Variants in RUNX1T1 observed in about 807,000 individuals in gnomAD.
RUNX1T1 encodes the protein protein CBFA2T1.
RUNX1T1 carries 4 observed loss-of-function variants against 62.8 expected under a neutral mutation model. The observed-to-expected ratio is 0.06, with a 90% CI of 0.03 to 0.15. The LOEUF is 0.15. Among genes scored for constraint, RUNX1T1 ranks in the 10% least tolerant of loss-of-function variants. RUNX1T1 has a pLI of 1.00. For missense variants in RUNX1T1, 508 were observed against 754.3 expected (o/e 0.67, Z 3.82); for synonymous variants, 291 against 286.0 (o/e 1.02, Z -0.18).
chr8:92,038,100 T>C (rs1414557967), intron 1 of RUNX1T1, among the ~76,000 whole-genome samples: 11 of 151,724 alleles, frequency 7.3e-5, no homozygotes, highest in African/African-American at 1.9e-4. Context: ...TCTCACTCTG[T>C]TGTACAGGCT....
At chr8:92,101,497 C>T (rs1361225668), upstream of RUNX1T1, among the ~76,000 whole-genome samples, 3 of 152,112 alleles carry the variant, frequency 2.0e-5, no homozygotes, top group Admixed American at 2.0e-4. Flanking sequence ...CAGATTCCCC[C>T]AGGAAGCAGC....
intron 8 of RUNX1T1, among the ~76,000 whole-genome samples, chr8:91,982,057 CA>C: frequency 6.6e-6 from 1 of 151,588 alleles, no homozygotes; most frequent in African/African-American, 2.4e-5. Context: ...CCAGACTGGG[CA>C]ATACGGCAAA....
intron 5 of RUNX1T1, among the ~76,000 whole-genome samples, chr8:91,999,983 C>T (rs1165069484): frequency 2.6e-5 from 4 of 152,040 alleles, no homozygotes; most frequent in African/African-American, 4.8e-5. Flanking sequence ...CAAAATGCCC[C>T]GTACAACTGT....
intron 1 of RUNX1T1, among the ~76,000 whole-genome samples, chr8:92,056,944 C>T (rs1358378665): frequency 6.6e-6 from 1 of 152,148 alleles, no homozygotes; most frequent in African/African-American, 2.4e-5. Context: ...TTTCAGTTAA[C>T]CTGTATAGCT....
chr8:91,988,037 G>A (rs1298740507), intron 6 of RUNX1T1, among the ~76,000 whole-genome samples: 2 of 152,072 alleles, frequency 1.3e-5, no homozygotes, highest in Non-Finnish European at 2.9e-5. Flanking sequence ...CTAGATAACT[G>A]AGCTATCTCT....
chr8:92,023,492 T>G (rs1443490533), intron 1 of RUNX1T1, among the ~76,000 whole-genome samples: 1 of 152,206 alleles, frequency 6.6e-6, no homozygotes, highest in African/African-American at 2.4e-5. Flanking sequence ...CATGTCCATT[T>G]TTCTCCCATA....
upstream of RUNX1T1, among the ~76,000 whole-genome samples, chr8:92,064,009 T>C (rs898529995): frequency 6.6e-6 from 1 of 152,178 alleles, no homozygotes; most frequent in African/African-American, 2.4e-5. Flanking sequence ...ACACTTTCCA[T>C]ATGCTTTTAG....
chr8:92,021,268 T>C (rs1363731091), intron 1 of RUNX1T1, among the ~76,000 whole-genome samples: 1 of 152,220 alleles, frequency 6.6e-6, no homozygotes, highest in Admixed American at 6.5e-5. Flanking sequence ...AAGGTGGGTA[T>C]AGAACTTTAA....
chr8:91,990,648 T>TC, intron 6 of RUNX1T1, among the ~76,000 whole-genome samples: 1 of 151,816 alleles, frequency 6.6e-6, no homozygotes, highest in South Asian at 2.1e-4. Flanking sequence ...TTTACTACTT[T>TC]TTTTTTTTTT....
chr8:92,075,924 G>A (rs1379116781), intron 2 of RUNX1T1, 41 bp downstream of exon 2: 1 of 1,547,118 alleles, frequency 6.5e-7, no homozygotes, highest in Non-Finnish European at 8.7e-7. Context: ...TTTCTGGTAC[G>A]TAAGTAAATT....
At chr8:92,061,749 C>T (rs1373699091) in intron 1 of RUNX1T1, among the ~76,000 whole-genome samples, 3 of 152,130 alleles carry the variant, frequency 2.0e-5, no homozygotes, top group African/African-American at 7.2e-5. Flanking sequence ...ATAAATCGGC[C>T]AGCTGGAGGA....
chr8:91,991,120 C>T (rs1266881368), intron 6 of RUNX1T1, among the ~76,000 whole-genome samples: 1 of 152,008 alleles, frequency 6.6e-6, no homozygotes, highest in East Asian at 1.9e-4. Flanking sequence ...AAAAAAGTAC[C>T]AAATCATTCC....
intron 1 of RUNX1T1, among the ~76,000 whole-genome samples, chr8:92,026,442 C>A (rs1825157799): frequency 6.6e-6 from 1 of 152,230 alleles, no homozygotes; most frequent in Non-Finnish European, 1.5e-5. Context: ...TCCTCTAAAA[C>A]TACTGTCATT....
intron 3 of RUNX1T1, among the ~76,000 whole-genome samples, chr8:92,012,007 G>C (rs572707121): frequency 9.2e-5 from 14 of 152,236 alleles, no homozygotes; most frequent in African/African-American, 3.4e-4. Context: ...TCTGATGACT[G>C]ACAAAATTTG....
intron 1 of RUNX1T1, among the ~76,000 whole-genome samples, chr8:92,086,555 A>G (rs532134515): frequency 6.6e-6 from 1 of 152,284 alleles, no homozygotes; most frequent in African/African-American, 2.4e-5. Flanking sequence ...CCCTGTCACC[A>G]TCTCCGAAAG....
rs563478244 is a variant in RUNX1T1, at chr8:92,086,453, G to A, written c.-85-10316C>T. ...AAGAGTTTGAAATCTGTGGAAAGAG[G>A]CAAAACACATGAGGGAGCCAAGTCC... On this transcript the variant is annotated intron_variant, in intron 1 of 11. Transcript: ENST00000265814. Among the ~76,000 whole-genome samples, 451 of 152,262 alleles carry A rather than the reference G, an allele frequency of 3.0e-3. 4 individuals are homozygous for A. The highest frequency in any genetic ancestry group is 5.1e-3 in the Non-Finnish European group (346 of 68,028).
At chr8:91,961,758 T>C (rs1303870337) in intron 10 of RUNX1T1, among the ~76,000 whole-genome samples, 1 of 152,230 alleles carries the variant, frequency 6.6e-6, no homozygotes, top group Non-Finnish European at 1.5e-5. Flanking sequence ...TGCAAAACTG[T>C]AGTAAGTAAT....
intron 1 of RUNX1T1, among the ~76,000 whole-genome samples, chr8:92,018,520 T>C (rs1261927932): frequency 1.3e-5 from 2 of 152,222 alleles, no homozygotes; most frequent in Non-Finnish European, 2.9e-5. Context: ...CTTGCAGTTA[T>C]AGACACAAAT....
intron 1 of RUNX1T1, among the ~76,000 whole-genome samples, chr8:92,081,810 T>A (rs149447679): frequency 1.3e-5 from 2 of 152,134 alleles, no homozygotes; most frequent in Non-Finnish European, 2.9e-5. Flanking sequence ...TCTCTCTCTC[T>A]TTTTCCCCCT....
Sources: allele counts gnomAD v4.1 joint callset (sites outside exome capture counted in the v4.1 genomes callset), GRCh38; gene constraint gnomAD v4.1.1; transcripts MANE v1.5; gene names NCBI Gene and HGNC (gene_info 2026-07-23, HGNC 2026-07-21).